Variants in SLC7A8 observed in about 807,000 individuals in gnomAD.
SLC7A8 encodes large neutral amino acids transporter small subunit 2.
In SLC7A8, 30 loss-of-function variants were observed where a neutral mutation model predicts 51.2. The observed-to-expected ratio is 0.59, with a 90% CI of 0.44 to 0.80. The LOEUF (loss-of-function observed/expected upper bound fraction) is 0.80. SLC7A8 is among the 30% of genes least tolerant of loss of function. The pLI, the probability that SLC7A8 is intolerant of heterozygous loss-of-function variation, is 0.00. For missense variants in SLC7A8, 612 were observed against 674.4 expected, an observed-to-expected ratio of 0.91 and a Z score of 1.03; for synonymous variants, 257 against 275.8, an observed-to-expected ratio of 0.93 and a Z score of 0.67.
intron 1 of SLC7A8, among the ~76,000 whole-genome samples, chr14:23,171,144 G>A (rs1027637123): frequency 2.0e-5 from 3 of 152,140 alleles, no homozygotes; most frequent in Non-Finnish European, 2.9e-5. Flanking sequence ...ACGCACATCC[G>A]TCTGGTATTG....
chr14:23,183,102 T>C lies in SLC7A8; in HGVS notation c.-188A>G. 3.8e-6 allele frequency: 1 copy of C among 266,388 alleles called. No individual in the cohort carries two copies. The highest frequency in any genetic ancestry group is 6.7e-6 in the Non-Finnish European group (1 of 149,370). The allele number at this position is 266,388 out of a possible 1,614,324, so 16.5% of individuals were successfully genotyped here. ...ATTCCTACTCCGCATTCACACTTTC[T>C]GGTCACTCGCGTTTACAAACAAGAA... On this transcript the variant is annotated 5_prime_UTR_variant, in exon 1 of 11. Coordinates refer to ENST00000316902, the MANE Select transcript of SLC7A8 (RefSeq NM_012244.4).
Position 23,137,963 on chromosome 14 carries a change from G to A in SLC7A8, c.974C>T (p.Ser325Phe). 1 of 1,613,816 alleles carries A rather than the reference G, an allele frequency of 6.2e-7. No homozygotes were observed. Among genetic ancestry groups the A allele is most frequent in the Non-Finnish European group, 8.5e-7 (1 of 1,179,998 alleles). Residue 325 changes from serine to phenylalanine, a missense_variant, in exon 7 of 11, where the codon TCC becomes TTC. Transcript: ENST00000316902. ...AWIMPISVAL[S>F]TFGGVNGSLF... ...AGACCCATTAACTCCTCCAAATGTG[G>A]ACAGGGCAACAGAAATGGGCATGAT... is the stretch of plus-strand genomic sequence containing the variant.
In SLC7A8 at chr14:23,182,950, C is replaced by T. The variant is rs1877252561; in HGVS notation, c.-36G>A. 3 of 1,613,712 alleles carry T rather than the reference C, an allele frequency of 1.9e-6. No homozygotes were observed. The highest frequency in any genetic ancestry group is 2.2e-5 in the South Asian group (2 of 91,074). ...AGGATTGCAACCTCAAAAGCTGCCT[C>T]CCTTTCTAAATGCGTATTCGTGTAA... is the stretch of plus-strand genomic sequence containing the variant. On this transcript the variant is annotated 5_prime_UTR_variant, in exon 1 of 11. Coordinates refer to ENST00000316902, the MANE Select transcript of SLC7A8 (RefSeq NM_012244.4).
In SLC7A8 at chr14:23,127,282, G is replaced by T; in HGVS notation, c.1503C>A (p.Gly501=). 6.2e-7 allele frequency: 1 copy of T among 1,614,086 alleles called. No individual in the cohort carries two copies. Among genetic ancestry groups the T allele is most frequent in the Non-Finnish European group, 8.5e-7 (1 of 1,179,994 alleles). Reference sequence around the variant, plus strand: ...CCTCATTAGCCTCCTCTGTCCCTGAGCCCCGCTCCACCTCGGGGTACACGA... The same window carrying T: ...CCTCATTAGCCTCCTCTGTCCCTGATCCCCGCTCCACCTCGGGGTACACGA... ...CVVVYPEVER[G]SGTEEANEDM... The change falls in exon 11 of 11, where the codon GGC becomes GGA. Residue 501 remains glycine, a synonymous_variant. Transcript: ENST00000316902.
chr14:23,170,307 C>T (rs1348303240), intron 1 of SLC7A8, among the ~76,000 whole-genome samples: 2 of 152,218 alleles, frequency 1.3e-5, no homozygotes, highest in Non-Finnish European at 2.9e-5. Flanking sequence ...GCACAACAGA[C>T]ACTTTTCCAG....
At position 23,183,125 on chromosome 14, in the gene SLC7A8, G is replaced by C; in HGVS notation, c.-211C>G. The stretch of plus-strand genomic sequence containing the variant: ...TCTGGTCACTCGCGTTTACAAACAA[G>C]AAAAGTGTTGCTAAAAAAAAAAAAA... On this transcript the variant is annotated 5_prime_UTR_variant, in exon 1 of 11. Coordinates refer to ENST00000316902, the MANE Select transcript of SLC7A8 (RefSeq NM_012244.4). The C allele has an allele frequency of 5.7e-5, 2 of 35,298 alleles. No homozygotes were observed. The highest frequency in any genetic ancestry group is 1.1e-4 in the Non-Finnish European group (2 of 17,950). The allele number at this position is 35,298 out of a possible 1,614,324, so 2.2% of individuals were successfully genotyped here.
chr14:23,146,501 T>A (rs1594827809), intron 3 of SLC7A8, among the ~76,000 whole-genome samples: 1 of 152,238 alleles, frequency 6.6e-6, no homozygotes, highest in African/African-American at 2.4e-5. Flanking sequence ...GTGGTCTTCC[T>A]GGGGTAACAG....
intron 3 of SLC7A8, among the ~76,000 whole-genome samples, chr14:23,158,384 CG>C (rs2048904804): frequency 2.0e-5 from 3 of 152,300 alleles, no homozygotes; most frequent in Admixed American, 2.0e-4. Context: ...CTAGCTCTGT[CG>C]CCCAGGCTGG....
At chr14:23,133,693 G>A (rs2048662025) in intron 7 of SLC7A8, among the ~76,000 whole-genome samples, 1 of 151,996 alleles carries the variant, frequency 6.6e-6, no homozygotes, top group African/African-American at 2.4e-5. Context: ...CAGATGTGGT[G>A]GCACGTGCCT....
Position 23,182,847 on chromosome 14 carries a change from G to C in SLC7A8, c.68C>G (p.Ala23Gly). 1 of 1,614,022 alleles carries C rather than the reference G, an allele frequency of 6.2e-7. No individual in the cohort carries two copies. The highest frequency in any genetic ancestry group is 1.1e-5 in the South Asian group (1 of 91,072). The part of the protein sequence containing the change: ...KKHPGGGESD[A>G]SPEAGSGGGG... ...CCCTCCGGAACCAGCCTCGGGGCTG[G>C]CGTCCGACTCGCCCCCACCTGGGTG... Residue 23 changes from alanine (A) to glycine (G), a missense_variant, in exon 1 of 11, where the codon GCC (alanine) becomes GGC (glycine). By Grantham distance (60) the Ala-to-Gly change is moderately conservative. Coordinates refer to ENST00000316902, the MANE Select transcript of SLC7A8 (RefSeq NM_012244.4).
chr14:23,139,607 G>A, intron 5 of SLC7A8, 60 bp from the exon 6 acceptor site: 1 of 1,570,982 alleles, frequency 6.4e-7, no homozygotes, highest in Non-Finnish European at 8.6e-7. Flanking sequence ...CCTTGCCATG[G>A]AGTCCAGGGG....
chr14:23,132,661 G>A (rs1463564755), intron 7 of SLC7A8, among the ~76,000 whole-genome samples: 1 of 148,554 alleles, frequency 6.7e-6, no homozygotes, highest in African/African-American at 2.5e-5. Flanking sequence ...TTGAGACGGA[G>A]TTTCACTCTT....
At chr14:23,131,191 T>G (rs2048628935) in intron 8 of SLC7A8, among the ~76,000 whole-genome samples, 1 of 152,154 alleles carries the variant, frequency 6.6e-6, no homozygotes. Flanking sequence ...CCTGAGACAG[T>G]CAGTTCAGTC....
rs1048222525 is a variant in SLC7A8, at chr14:23,128,860, A to G, written c.1264-664T>C. ...TTCTACCTCCTCTTCCCTCTAGCAG[A>G]TTTTCTAAGTGTGAGAGTAGAAAAT... On this transcript the variant is annotated intron_variant, in intron 9 of 10. Transcript: ENST00000316902. This position sits in a 1 kb window ranked among gnomAD's most constrained non-coding sequence, Gnocchi z 4.3. 1.3e-5 allele frequency among the ~76,000 whole-genome samples: 2 copies of G among 152,090 alleles called. No homozygotes were observed. The highest frequency in any genetic ancestry group is 2.9e-5 in the Non-Finnish European group (2 of 68,018).
At chr14:23,131,886 G>A (rs929967387) in intron 7 of SLC7A8, among the ~76,000 whole-genome samples, 1 of 152,098 alleles carries the variant, frequency 6.6e-6, no homozygotes, top group African/African-American at 2.4e-5. Context: ...AGCAGCCTCT[G>A]TCTGTTGCCT....
At chr14:23,159,913 G>A (rs539586512) in intron 3 of SLC7A8, among the ~76,000 whole-genome samples, 1 of 152,290 alleles carries the variant, frequency 6.6e-6, no homozygotes, top group South Asian at 2.1e-4. Context: ...CTTGAGAGAT[G>A]CATACAGGAT....
chr14:23,152,739 T>C (rs2048858590), intron 3 of SLC7A8, among the ~76,000 whole-genome samples: 1 of 152,186 alleles, frequency 6.6e-6, no homozygotes, highest in Non-Finnish European at 1.5e-5. Flanking sequence ...TCCCTTGCTT[T>C]GGATACAGGA....
intron 3 of SLC7A8, among the ~76,000 whole-genome samples, chr14:23,162,836 C>G (rs1594837045): frequency 1.3e-5 from 2 of 152,140 alleles, no homozygotes; most frequent in African/African-American, 4.8e-5. Context: ...ACTTCTTCAA[C>G]CTGTGGCCTG....
chr14:23,161,595 T>A (rs1594836417), intron 3 of SLC7A8, among the ~76,000 whole-genome samples: 1 of 7,634 alleles, frequency 1.3e-4, no homozygotes. Flanking sequence ...ATGGTGGGGG[T>A]AGGTGGGTGG....
Sources: allele counts gnomAD v4.1 joint callset (sites outside exome capture counted in the v4.1 genomes callset), GRCh38; gene constraint gnomAD v4.1.1; non-coding constraint Gnocchi (gnomAD v3.1); transcripts MANE v1.5; gene names NCBI Gene and HGNC (gene_info 2026-07-23, HGNC 2026-07-21).